The following RBFOX1 variants were observed in gnomAD, a reference collection of about 807,000 sequenced individuals.
RBFOX1 encodes the protein RNA binding fox-1 homolog 1, also known as RNA binding protein fox-1 homolog 1.
A neutral mutation model predicts 57.7 loss-of-function variants in RBFOX1; 8 were observed. The ratio of observed to expected loss-of-function variants is 0.14; its 90% confidence interval spans 0.08 to 0.25. The LOEUF is 0.25. RBFOX1 is among the 10% of genes least tolerant of loss of function. The probability of loss-of-function intolerance (pLI) is 1.00; values close to 1 mark genes in which losing one functional copy is unlikely to be tolerated. For synonymous variants in RBFOX1, 326 were observed against 222.4 expected, an observed-to-expected ratio of 1.47 and a Z score of -4.15; for missense variants, 611 against 548.5, an observed-to-expected ratio of 1.11 and a Z score of -1.14.
At position 6,779,939 on chromosome 16, in the gene RBFOX1, A is replaced by ATATATATT; in HGVS notation, c.-16+125313_-16+125320dup. On this transcript the variant is annotated intron_variant, in intron 3 of 15. Transcript: ENST00000550418. ...TATTTATATATATTTATATATATTT[A>ATATATATT]TATATATTTATATATTTATATATTT... 3.9e-3 allele frequency among the ~76,000 whole-genome samples: 29 copies of ATATATATT among 7,438 alleles called. 7 individuals are homozygous for ATATATATT. The highest frequency in any genetic ancestry group is 0.01 in the African/African-American group (19 of 1,872). The allele number at this position is 7,438 out of a possible 152,430, so 4.9% of individuals were successfully genotyped here. A position where few individuals can be genotyped will look rare whatever the true frequency, so the allele number is the denominator to read the frequency against.
chr16:6,672,267 G>GAAATATACATCCAATAT (rs1281860874), intron 3 of RBFOX1, among the ~76,000 whole-genome samples: 36 of 152,006 alleles, frequency 2.4e-4, no homozygotes, highest in African/African-American at 8.2e-4. Flanking sequence ...GTCCATTGGA[G>GAAATATACATCCAATAT]AAATATACAT....
At chr16:6,511,833 C>T (rs369934205) in intron 2 of RBFOX1, among the ~76,000 whole-genome samples, 12 of 152,144 alleles carry the variant, frequency 7.9e-5, no homozygotes, top group African/African-American at 4.8e-5. Flanking sequence ...CTTGAAGTCA[C>T]GGCTTTCTTC....
chr16:6,607,122 G>A (rs1033928429), intron 2 of RBFOX1, among the ~76,000 whole-genome samples: 4 of 152,142 alleles, frequency 2.6e-5, no homozygotes, highest in African/African-American at 9.7e-5. Context: ...CCCTGAGAGT[G>A]GAAGTCAGCA....
intron 2 of RBFOX1, among the ~76,000 whole-genome samples, chr16:6,341,100 C>T (rs188231001): frequency 5.3e-4 from 81 of 152,214 alleles, no homozygotes; most frequent in African/African-American, 1.7e-3. Flanking sequence ...GATTTAAAAC[C>T]ATGCAAATTT....
At chr16:5,385,563 A>G (rs528088071) in intron 1 of RBFOX1, among the ~76,000 whole-genome samples, 52 of 152,208 alleles carry the variant, frequency 3.4e-4, no homozygotes, top group African/African-American at 1.2e-3. Flanking sequence ...CCCTTAAATG[A>G]CCTAGATCAG....
At position 7,669,955 on chromosome 16, in the gene RBFOX1, T is replaced by C. The variant is rs548124272; in HGVS notation, c.930+4987T>C. ...ATGGGAGAGACAAGATGTTGAGTGT[T>C]TTACCTGTATTACGTCATCTCTCCT... On this transcript the variant is annotated intron_variant, in intron 13 of 15. Coordinates refer to ENST00000550418, the MANE Select transcript of RBFOX1 (RefSeq NM_018723.4). 3.3e-5 allele frequency among the ~76,000 whole-genome samples: 5 copies of C among 152,132 alleles called. No individual in the cohort carries two copies. In the South Asian group the frequency reaches 8.3e-4, roughly 25 times the overall value.
Position 7,223,100 on chromosome 16 carries a change from A to T in RBFOX1, c.27+171002A>T, listed in dbSNP as rs75923907. 1.1e-4 allele frequency among the ~76,000 whole-genome samples: 16 copies of T among 152,348 alleles called. No homozygotes were observed. The East Asian group carries it at 2.7e-3, about 26-fold the overall frequency. ...TCAGCAGCAGCCTGGGAGACTAGCA[A>T]CTGAGGTGAATAAAGGTAGCTCACC... On this transcript the variant is annotated intron_variant, in intron 4 of 15. Transcript: ENST00000550418.
At chr16:5,987,721 C>G (rs1290405585) in intron 4 of RBFOX1, among the ~76,000 whole-genome samples, 1 of 152,112 alleles carries the variant, frequency 6.6e-6, no homozygotes, top group African/African-American at 2.4e-5. Flanking sequence ...CTCCAGCTCT[C>G]TTTTTTAAAA....
intron 2 of RBFOX1, among the ~76,000 whole-genome samples, chr16:5,596,281 C>G (rs1034032926): frequency 1.1e-4 from 16 of 152,144 alleles, no homozygotes; most frequent in Admixed American, 9.8e-4. Context: ...TTGCCTAGAT[C>G]CTCTATTCTC....
At chr16:7,692,613 G>A (rs112267463) in intron 14 of RBFOX1, among the ~76,000 whole-genome samples, 3 of 152,228 alleles carry the variant, frequency 2.0e-5, no homozygotes, top group South Asian at 2.1e-4. Flanking sequence ...ATTTGTAGAC[G>A]AATTAGTACC....
chr16:5,463,775 G>T (rs1294183297), intron 1 of RBFOX1, among the ~76,000 whole-genome samples: 5 of 151,376 alleles, frequency 3.3e-5, no homozygotes, highest in Non-Finnish European at 7.4e-5. Context: ...ACTCCAGCCT[G>T]GGTGACAGAG....
chr16:7,209,149 AATAATAAT>A (rs2090603269), intron 4 of RBFOX1, among the ~76,000 whole-genome samples: 2 of 54,468 alleles, frequency 3.7e-5, no homozygotes, highest in East Asian at 1.3e-3. Flanking sequence ...ACAAAATAAT[AATAATAAT>A]AATAATAATA....
At chr16:7,634,086 A>G (rs2142929812) in intron 11 of RBFOX1, among the ~76,000 whole-genome samples, 1 of 152,312 alleles carries the variant, frequency 6.6e-6, no homozygotes, top group African/African-American at 2.4e-5. Flanking sequence ...TGAGAGTCAC[A>G]TATTTTATCT....
chr16:6,451,591 A>C (rs2094624959), intron 2 of RBFOX1, among the ~76,000 whole-genome samples: 1 of 152,060 alleles, frequency 6.6e-6, no homozygotes, highest in African/African-American at 2.4e-5. Context: ...ACCTGGAAAT[A>C]ATTCACCACT....
At chr16:6,859,123 A>ATATATATATGTATATATATATG (rs2058451475) in intron 3 of RBFOX1, among the ~76,000 whole-genome samples, 2 of 68,994 alleles carry the variant, frequency 2.9e-5, no homozygotes, top group African/African-American at 1.8e-4. Context: ...ATATATATAT[A>ATATATATATGTATATATATATG]TATATACATA....
At chr16:6,651,485 TGACTGCCGGTTCTGTTAAAATAGAAGTCA>T (rs1240920476) in intron 2 of RBFOX1, among the ~76,000 whole-genome samples, 24 of 152,186 alleles carry the variant, frequency 1.6e-4, no homozygotes, top group Admixed American at 3.9e-4. Context: ...TTGTAACCCC[TGACTGCCGGTTCTGTTAAAATAGAAGTCA>T]GATCATGCCT....
intron 4 of RBFOX1, among the ~76,000 whole-genome samples, chr16:7,388,574 T>C (rs1212324761): frequency 2.0e-5 from 3 of 151,438 alleles, no homozygotes; most frequent in Admixed American, 1.3e-4. Context: ...TTACCTCATA[T>C]GGTTCTAGGG....
intron 3 of RBFOX1, among the ~76,000 whole-genome samples, chr16:5,862,668 G>A (rs1230832262): frequency 6.6e-6 from 1 of 152,138 alleles, no homozygotes; most frequent in Non-Finnish European, 1.5e-5. Context: ...AAATCTCTTT[G>A]ATCCTTATCT....
intron 3 of RBFOX1, among the ~76,000 whole-genome samples, chr16:5,808,723 C>G (rs1452091403): frequency 6.6e-6 from 1 of 152,048 alleles, no homozygotes; most frequent in Non-Finnish European, 1.5e-5. Context: ...CTCTGTTTGT[C>G]TGTTATTGGT....
Sources: gnomAD v4.1 joint callset for allele counts (sites outside exome capture counted in the v4.1 genomes callset) on GRCh38, gnomAD v4.1.1 for gene constraint, MANE v1.5 for transcripts, NCBI Gene and HGNC (gene_info 2026-07-23, HGNC 2026-07-21) for gene names.